Variants in DDHD1 observed in about 807,000 individuals in gnomAD.
The protein encoded by DDHD1 is phospholipase DDHD1.
DDHD1 carries 49 observed loss-of-function variants against 96.4 expected under a neutral mutation model. The ratio of observed to expected loss-of-function variants is 0.51; its 90% confidence interval spans 0.40 to 0.64. The LOEUF is 0.64. Ranked by LOEUF, DDHD1 falls within the 30% of genes least tolerant of loss-of-function variation. The probability of loss-of-function intolerance (pLI) is 0.00; values close to 1 mark genes in which losing one functional copy is unlikely to be tolerated. For synonymous variants in DDHD1, 442 were observed against 446.5 expected, an observed-to-expected ratio of 0.99 and a Z score of 0.13; for missense variants, 1,106 against 1,161.2, an observed-to-expected ratio of 0.95 and a Z score of 0.69.
chr14:53,058,255 C>A (rs1359541828), intron 9 of DDHD1, among the ~76,000 whole-genome samples: 1 of 152,184 alleles, frequency 6.6e-6, no homozygotes, highest in Non-Finnish European at 1.5e-5. Context: ...TCCTGCCTTA[C>A]AGGCACCCAC....
At chr14:53,149,309 C>T (rs1891194636) in intron 1 of DDHD1, among the ~76,000 whole-genome samples, 1 of 152,208 alleles carries the variant, frequency 6.6e-6, no homozygotes, top group Non-Finnish European at 1.5e-5. Context: ...TGGATTCATA[C>T]CACCATTCTA....
chr14:53,069,915 C>G (rs887257107), intron 6 of DDHD1, among the ~76,000 whole-genome samples: 2 of 152,190 alleles, frequency 1.3e-5, no homozygotes, highest in Non-Finnish European at 2.9e-5. Context: ...AAGACTAATT[C>G]AAAGGACTGG....
intron 1 of DDHD1, 148 bp downstream of exon 1, chr14:53,152,113 G>GATGGAGATTGTGTAGAT: frequency 1.1e-5 from 9 of 833,722 alleles, no homozygotes; most frequent in South Asian, 5.8e-5. Context: ...AGCTGCCGAC[G>GATGGAGATTGTGTAGAT]CTCCCTGCTC....
Position 53,152,870 on chromosome 14 carries a change from G to T in DDHD1, c.229C>A (p.His77Asn). The T allele has an allele frequency of 6.2e-7, 1 of 1,610,902 alleles. No individual in the cohort carries two copies. The highest frequency in any genetic ancestry group is 8.5e-7 in the Non-Finnish European group (1 of 1,178,840). ...LAPGTDDHNH[H>N]LALDPCLSDE... ...CTGAGGCAGGGGTCCAGCGCGAGGT[G>T]GTGGTTGTGGTCGTCGGTGCCCGGC... The change falls in exon 1 of 13, where the codon CAC (histidine) becomes AAC (asparagine). Residue 77 changes from histidine to asparagine, a missense_variant. By Grantham distance (68) the His-to-Asn change is moderately conservative. Coordinates refer to ENST00000673822, the MANE Select transcript of DDHD1 (RefSeq NM_001160148.2).
intron 1 of DDHD1, 121 bp downstream of exon 1, chr14:53,152,140 C>T: frequency 9.4e-7 from 1 of 1,066,026 alleles, no homozygotes; most frequent in Non-Finnish European, 1.3e-6. Flanking sequence ...CATCCTGCCC[C>T]AGCCAAACGC....
intron 12 of DDHD1, among the ~76,000 whole-genome samples, chr14:53,047,242 T>C (rs78749121): frequency 6.4e-4 from 98 of 152,240 alleles, no homozygotes; most frequent in African/African-American, 2.2e-3. Context: ...GTTAAAAAAA[T>C]TGCTTTCAAA....
intron 1 of DDHD1, among the ~76,000 whole-genome samples, chr14:53,148,306 T>C (rs753656841): frequency 5.3e-5 from 8 of 152,000 alleles, no homozygotes; most frequent in Admixed American, 2.0e-4. Flanking sequence ...GCCATTGGAA[T>C]TGAATTATTC....
intron 4 of DDHD1, among the ~76,000 whole-genome samples, chr14:53,085,347 C>A (rs1456712300): frequency 6.6e-6 from 1 of 152,184 alleles, no homozygotes; most frequent in Non-Finnish European, 1.5e-5. Flanking sequence ...CCCTATGCAG[C>A]CTAACTGGGA....
chr14:53,096,088 A>G, intron 2 of DDHD1: 7 of 951,612 alleles, frequency 7.4e-6, no homozygotes, highest in Non-Finnish European at 8.8e-6. Flanking sequence ...ATATAACTAC[A>G]TGGAGAAATA....
chr14:53,072,712 A>G lies in DDHD1; in HGVS notation c.1397-9T>C, dbSNP rs528216709. 1 of 1,585,210 alleles carries G rather than the reference A, an allele frequency of 6.3e-7. No homozygotes were observed. Among genetic ancestry groups the G allele is most frequent in the African/African-American group, 1.4e-5 (1 of 73,738 alleles). On this transcript the variant is annotated splice_polypyrimidine_tract_variant and intron_variant, in intron 5 of 12. Coordinates refer to ENST00000673822, the MANE Select transcript of DDHD1 (RefSeq NM_001160148.2). ...AATGGAATCAACAGTGTCTACAAAAACAAACAAAAAAAGCAAGTTAACTTA... is the reference window on the plus strand; with the variant it reads ...AATGGAATCAACAGTGTCTACAAAAGCAAACAAAAAAAGCAAGTTAACTTA...
chr14:53,077,290 T>C (rs1885053735), intron 4 of DDHD1, among the ~76,000 whole-genome samples: 2 of 152,218 alleles, frequency 1.3e-5, no homozygotes, highest in East Asian at 1.9e-4. Flanking sequence ...CATTAGTTTA[T>C]CATGGTGGCA....
In DDHD1 at chr14:53,046,636, T is replaced by C. The variant is rs150223358; in HGVS notation, c.*132A>G. 290 of 531,474 alleles carry C rather than the reference T, an allele frequency of 5.5e-4. 2 individuals carry two copies. The East Asian group carries it at 9.2e-3, about 17-fold the overall frequency. The allele number at this position is 531,474 out of a possible 1,614,324, so 32.9% of individuals were successfully genotyped here. A position where few individuals can be genotyped will look rare whatever the true frequency, so the allele number is the denominator to read the frequency against. ...CTTTTTTTTTTAAATAAAGTGCTTT[T>C]AAATTCAAATATATGTTGCCCTAAA... On this transcript the variant is annotated 3_prime_UTR_variant, in exon 13 of 13. Coordinates refer to ENST00000673822, the MANE Select transcript of DDHD1 (RefSeq NM_001160148.2).
chr14:53,152,543 C>T lies in DDHD1; in HGVS notation c.556G>A (p.Asp186Asn). The change falls in exon 1 of 13, where the codon GAC becomes AAC. Residue 186 changes from aspartate to asparagine, a missense_variant. Transcript: ENST00000673822. ...AAGGCGAGCTCGATGCGGAGCGAGT[C>T]GTAGCCGATGAAGGGCTTCCAGGTC... ...KKTWKPFIGY[D>N]SLRIELAFRT... 8 of 1,613,532 alleles carry T rather than the reference C, an allele frequency of 5.0e-6. No individual in the cohort carries two copies. The highest frequency in any genetic ancestry group is 6.8e-6 in the Non-Finnish European group (8 of 1,179,936).
intron 2 of DDHD1, among the ~76,000 whole-genome samples, chr14:53,102,137 T>C (rs1887347469): frequency 1.3e-5 from 2 of 152,164 alleles, no homozygotes; most frequent in South Asian, 4.1e-4. Flanking sequence ...CTCAGACTTC[T>C]CCAATGGCAA....
At chr14:53,139,273 C>A (rs1209405640) in intron 1 of DDHD1, among the ~76,000 whole-genome samples, 3 of 152,036 alleles carry the variant, frequency 2.0e-5, no homozygotes, top group African/African-American at 7.2e-5. Flanking sequence ...GAGAATGTCC[C>A]TTCCCCACTC....
chr14:53,066,683 T>A (rs932978561), intron 6 of DDHD1, among the ~76,000 whole-genome samples: 1 of 152,078 alleles, frequency 6.6e-6, no homozygotes, highest in Non-Finnish European at 1.5e-5. Context: ...AAAATAGGAA[T>A]AGGCCGGGCA....
chr14:53,090,693 G>C (rs1384486096), intron 4 of DDHD1, among the ~76,000 whole-genome samples: 1 of 152,112 alleles, frequency 6.6e-6, no homozygotes, highest in African/African-American at 2.4e-5. Flanking sequence ...TTGGACACAG[G>C]GTAGGCAACA....
chr14:53,152,130 CATCCTGCCCCA>C, intron 1 of DDHD1, 120 bp downstream of exon 1: 77 of 883,166 alleles, frequency 8.7e-5, no homozygotes, highest in South Asian at 3.6e-4. Context: ...GCTCAATCTC[CATCCTGCCCCA>C]GCCAAACGCC....
intron 1 of DDHD1, among the ~76,000 whole-genome samples, chr14:53,105,581 C>G (rs1281344869): frequency 6.6e-6 from 1 of 152,064 alleles, no homozygotes; most frequent in Non-Finnish European, 1.5e-5. Flanking sequence ...CTGGATTCTA[C>G]TTTGTTCAGC....
Sources: allele counts gnomAD v4.1 joint callset (sites outside exome capture counted in the v4.1 genomes callset), GRCh38; gene constraint gnomAD v4.1.1; transcripts MANE v1.5; gene names NCBI Gene and HGNC (gene_info 2026-07-23, HGNC 2026-07-21).